The following ANO10 variants were observed in gnomAD, a reference collection of about 807,000 sequenced individuals.
The protein encoded by ANO10 is anoctamin 10.
Under a neutral mutation model 74.7 loss-of-function variants are expected in ANO10, and 77 were observed. That is an observed-to-expected ratio of 1.03 (90% CI 0.86 to 1.25). The LOEUF (loss-of-function observed/expected upper bound fraction) is 1.25. Among genes scored for constraint, ANO10 ranks in the 50% most tolerant of loss-of-function variants. The pLI, the probability that ANO10 is intolerant of heterozygous loss-of-function variation, is 0.00. For missense variants in ANO10, 721 were observed against 778.1 expected, an observed-to-expected ratio of 0.93 and a Z score of 0.87; for synonymous variants, 279 against 284.9, an observed-to-expected ratio of 0.98 and a Z score of 0.21.
rs571306863 is a variant in ANO10 at position 43,576,994 on chromosome 3, C to A, written c.860G>T (p.Gly287Val). The A allele has an allele frequency of 3.1e-6, 5 of 1,613,542 alleles. No homozygotes were observed. Among genetic ancestry groups the A allele is most frequent in the Non-Finnish European group, 4.2e-6 (5 of 1,179,600 alleles). Residue 287 changes from glycine (G) to valine (V), a missense_variant, in exon 6 of 13, where the codon GGA becomes GTA. Gly to Val is a moderately radical substitution (Grantham distance 109). Transcript: ENST00000292246. ...ATTGATACCCAAGACACCATGAAAT[C>A]CTGGCCGGGGCTCCTCAAACTTTCT... is the stretch of plus-strand genomic sequence containing the variant. Reference protein sequence around the residue: ...MKRKFEEPRPGFHGVLGINSI... With the variant: ...MKRKFEEPRPVFHGVLGINSI...
chr3:43,592,993 TG>T (rs543511163), intron 4 of ANO10, among the ~76,000 whole-genome samples: 149 of 152,208 alleles, frequency 9.8e-4, no homozygotes, highest in Middle Eastern at 3.4e-3. Flanking sequence ...TTTGATCAAC[TG>T]GAAGAAAGGG....
At chr3:43,388,341 G>A (rs139569584) in intron 12 of ANO10, among the ~76,000 whole-genome samples, 3 of 152,152 alleles carry the variant, frequency 2.0e-5, no homozygotes, top group Non-Finnish European at 4.4e-5. Context: ...CCATGAACTC[G>A]GTCCCTGTTG....
intron 11 of ANO10, among the ~76,000 whole-genome samples, chr3:43,469,808 C>T (rs369087469): frequency 6.6e-6 from 1 of 152,152 alleles, no homozygotes; most frequent in Non-Finnish European, 1.5e-5. Context: ...TAATTCCACA[C>T]ACCCACAAAC....
intron 1 of ANO10, among the ~76,000 whole-genome samples, chr3:43,632,500 T>A (rs1186705793): frequency 6.6e-6 from 1 of 152,272 alleles, no homozygotes; most frequent in Non-Finnish European, 1.5e-5. Flanking sequence ...CCTAGAACGG[T>A]AATGACTCAA....
chr3:43,606,346 T>A (rs1345837880), intron 1 of ANO10, among the ~76,000 whole-genome samples: 2 of 152,020 alleles, frequency 1.3e-5, no homozygotes, highest in Non-Finnish European at 2.9e-5. Flanking sequence ...ATTAACTTTG[T>A]GTAGGAGGAA....
intron 12 of ANO10, among the ~76,000 whole-genome samples, chr3:43,378,736 T>C (rs1047092927): frequency 6.6e-6 from 1 of 152,140 alleles, no homozygotes; most frequent in African/African-American, 2.4e-5. Flanking sequence ...CTGTGAGTCA[T>C]CAGAATTGCA....
intron 12 of ANO10, among the ~76,000 whole-genome samples, chr3:43,385,071 C>G (rs917239809): frequency 6.6e-6 from 1 of 151,442 alleles, no homozygotes; most frequent in Non-Finnish European, 1.5e-5. Context: ...TTCAAATCAG[C>G]AAGAAAAAAA....
intron 11 of ANO10, among the ~76,000 whole-genome samples, chr3:43,495,153 T>C (rs1005302884): frequency 2.0e-5 from 3 of 152,068 alleles, no homozygotes; most frequent in Non-Finnish European, 4.4e-5. Flanking sequence ...GACGGTTTAA[T>C]AAATGATATA....
At chr3:43,394,772 A>G (rs1170575339) in intron 12 of ANO10, among the ~76,000 whole-genome samples, 1 of 152,118 alleles carries the variant, frequency 6.6e-6, no homozygotes, top group African/African-American at 2.4e-5. Flanking sequence ...CTGATCTCTA[A>G]TTCTCACAGT....
intron 4 of ANO10, among the ~76,000 whole-genome samples, chr3:43,591,967 G>T (rs1276349592): frequency 5.3e-5 from 8 of 152,234 alleles, no homozygotes; most frequent in African/African-American, 1.9e-4. Flanking sequence ...GCCTGGCTCA[G>T]AGGGTCCCAC....
intron 7 of ANO10, among the ~76,000 whole-genome samples, chr3:43,569,116 C>T (rs1341676525): frequency 2.7e-5 from 4 of 149,038 alleles, no homozygotes; most frequent in Non-Finnish European, 5.9e-5. Context: ...GACACATACA[C>T]TCTCCCAAGA....
intron 9 of ANO10, among the ~76,000 whole-genome samples, chr3:43,558,632 T>C (rs1025570704): frequency 1.3e-5 from 2 of 152,210 alleles, no homozygotes; most frequent in Non-Finnish European, 2.9e-5. Flanking sequence ...TTGGCAACAT[T>C]ATTTTAGACT....
chr3:43,647,919 T>C (rs934890125), intron 1 of ANO10, among the ~76,000 whole-genome samples: 2 of 152,206 alleles, frequency 1.3e-5, no homozygotes, highest in African/African-American at 4.8e-5. Flanking sequence ...GTGATTAGCA[T>C]AGCTGTGGCC....
chr3:43,504,376 A>G (rs954894591), intron 11 of ANO10, among the ~76,000 whole-genome samples: 1 of 152,120 alleles, frequency 6.6e-6, no homozygotes, highest in African/African-American at 2.4e-5. Context: ...CTAAAGTGTG[A>G]TCTACAGGTG....
chr3:43,429,822 T>A (rs1443155732), intron 12 of ANO10, among the ~76,000 whole-genome samples: 1 of 152,224 alleles, frequency 6.6e-6, no homozygotes, highest in Non-Finnish European at 1.5e-5. Context: ...TTGAGGAATT[T>A]AGTTATCTCC....
chr3:43,671,821 C>A (rs1403943091), intron 1 of ANO10, among the ~76,000 whole-genome samples: 3 of 152,102 alleles, frequency 2.0e-5, no homozygotes, highest in African/African-American at 7.2e-5. Flanking sequence ...CCCCCACCTG[C>A]AGCATAAGAA....
intron 7 of ANO10, 134 bp from the exon 8 acceptor site, chr3:43,565,861 T>C (rs1338705148): frequency 1.1e-5 from 10 of 887,148 alleles, no homozygotes; most frequent in African/African-American, 1.7e-5. Context: ...ACAGCTCCAG[T>C]CTACAGCTCC....
rs900757476 is a variant in ANO10 at position 43,605,695 on chromosome 3, C to A, written c.139+19G>T. The A allele has an allele frequency of 6.2e-7, 1 of 1,612,458 alleles. No homozygotes were observed. The highest frequency in any genetic ancestry group is 1.3e-5 in the African/African-American group (1 of 74,852). On this transcript the variant is annotated intron_variant, in intron 2 of 12. Transcript: ENST00000292246. ...TGTGGGAGGCCAGACTAAGTCTGAGCAGTGACTATTTTACTCACCTCCATC... is the reference window on the plus strand; with the variant it reads ...TGTGGGAGGCCAGACTAAGTCTGAGAAGTGACTATTTTACTCACCTCCATC...
At position 43,486,102 on chromosome 3, in the gene ANO10, T is replaced by A. The variant is rs186156529; in HGVS notation, c.1798-53375A>T. 1.1e-3 allele frequency among the ~76,000 whole-genome samples: 162 copies of A among 152,358 alleles called. 1 individual carries two copies. Among genetic ancestry groups the A allele is most frequent in the African/African-American group, 3.7e-3 (153 of 41,598 alleles). Reference sequence around the variant, plus strand: ...GAATCTCCATTAATGCAGCCAGGGCTTCCCTTTCTAGGCCTTTCACAGATC... The same window carrying A: ...GAATCTCCATTAATGCAGCCAGGGCATCCCTTTCTAGGCCTTTCACAGATC... On this transcript the variant is annotated intron_variant, in intron 11 of 12. Coordinates refer to ENST00000292246, the MANE Select transcript of ANO10 (RefSeq NM_018075.5).
Sources: allele counts gnomAD v4.1 joint callset (sites outside exome capture counted in the v4.1 genomes callset), GRCh38; gene constraint gnomAD v4.1.1; transcripts MANE v1.5; gene names NCBI Gene and HGNC (gene_info 2026-07-23, HGNC 2026-07-21).